CDH18: variants seen among roughly 807,000 people sequenced by gnomAD.
The protein encoded by CDH18 is cadherin-18.
Under a neutral mutation model 67.9 loss-of-function variants are expected in CDH18, and 31 were observed. The observed-to-expected ratio is 0.46, with a 90% CI of 0.34 to 0.62. The LOEUF is 0.62. Among genes scored for constraint, CDH18 ranks in the 20% least tolerant of loss-of-function variants. The pLI is 0.01. For synonymous variants in CDH18, 362 were observed against 347.2 expected (o/e 1.04, Z -0.48); for missense variants, 890 against 975.5 (o/e 0.91, Z 1.17).
chr5:20,196,395 T>C (rs1738982536), intron 2 of CDH18, among the ~76,000 whole-genome samples: 1 of 152,184 alleles, frequency 6.6e-6, no homozygotes, highest in Non-Finnish European at 1.5e-5. Context: ...CAAGGTATTG[T>C]TCAAGAGCAC....
At position 19,779,612 on chromosome 5, in the gene CDH18, T is replaced by G. The variant is rs1435864134; in HGVS notation, c.229-32376A>C. 3.9e-5 allele frequency among the ~76,000 whole-genome samples: 6 copies of G among 152,130 alleles called. No individual in the cohort carries two copies. The East Asian group carries it at 1.2e-3, about 29-fold the overall frequency. On this transcript the variant is annotated intron_variant, in intron 3 of 12. Coordinates refer to ENST00000382275, the MANE Select transcript of CDH18 (RefSeq NM_004934.5). ...GAAACAGGGACAAAGTGGAAGGAAT[T>G]CAGAATTCGCCACAGTTTTTTTCTT...
At position 20,539,733 on chromosome 5, in the gene CDH18, TAC is replaced by T. The variant is rs67594407; in HGVS notation, c.-580+35727_-580+35728del. Among the ~76,000 whole-genome samples the T allele has an allele frequency of 3.7e-3, 546 of 146,718 alleles. 4 individuals are homozygous for T. Among genetic ancestry groups the T allele is most frequent in the African/African-American group, 0.01 (410 of 39,956 alleles). On this transcript the variant is annotated intron_variant, in intron 1 of 14. Transcript: ENST00000507958. ...TACCCCACTCCATCTCCACCACCAC[TAC>T]ACACACACACACACACACACAAACA...
chr5:19,724,512 TACAC>T (rs34923644), intron 4 of CDH18, among the ~76,000 whole-genome samples: 2,607 of 148,676 alleles, frequency 0.018, 35 homozygotes, highest in Non-Finnish European at 0.019. Context: ...CACACAGACA[TACAC>T]ACACACACAC....
intron 3 of CDH18, among the ~76,000 whole-genome samples, chr5:19,764,091 C>T (rs1208729500): frequency 6.7e-6 from 1 of 149,210 alleles, no homozygotes; most frequent in South Asian, 2.1e-4. Context: ...ATCGCTTGAA[C>T]CCAGGAGGTG....
At chr5:20,100,445 T>C (rs1237508007) in intron 2 of CDH18, among the ~76,000 whole-genome samples, 1 of 152,190 alleles carries the variant, frequency 6.6e-6, no homozygotes, top group East Asian at 1.9e-4. Context: ...TGCAGTTATA[T>C]TTGCACCAAC....
intron 1 of CDH18, among the ~76,000 whole-genome samples, chr5:20,493,096 C>G (rs1753683103): frequency 6.6e-6 from 1 of 151,832 alleles, no homozygotes; most frequent in African/African-American, 2.4e-5. Flanking sequence ...TGCCTGTAAT[C>G]CCAGCACTCT....
intron 3 of CDH18, among the ~76,000 whole-genome samples, chr5:19,773,909 C>G (rs1483358436): frequency 6.6e-6 from 1 of 152,016 alleles, no homozygotes; most frequent in East Asian, 1.9e-4. Flanking sequence ...AACTTGGAAT[C>G]ATAAACATTT....
chr5:20,409,928 T>A (rs532693507), intron 1 of CDH18, among the ~76,000 whole-genome samples: 1 of 151,650 alleles, frequency 6.6e-6, no homozygotes, highest in African/African-American at 2.4e-5. Context: ...ACAACCTAGC[T>A]AGACTGAATT....
chr5:19,884,398 A>G (rs887591640), intron 2 of CDH18, among the ~76,000 whole-genome samples: 3 of 152,118 alleles, frequency 2.0e-5, no homozygotes, highest in Non-Finnish European at 4.4e-5. Context: ...AAAAGTTATT[A>G]AATACTGCCT....
At chr5:19,948,676 A>G (rs1795503801) in intron 2 of CDH18, among the ~76,000 whole-genome samples, 1 of 152,132 alleles carries the variant, frequency 6.6e-6, no homozygotes, top group South Asian at 2.1e-4. Flanking sequence ...ATAAGTGTAC[A>G]AATAACTTTA....
intron 2 of CDH18, among the ~76,000 whole-genome samples, chr5:20,055,501 T>C (rs1461387059): frequency 6.6e-6 from 1 of 152,216 alleles, no homozygotes; most frequent in East Asian, 1.9e-4. Context: ...GCTTGGAAAC[T>C]TTCCACAGCA....
intron 5 of CDH18, among the ~76,000 whole-genome samples, chr5:19,679,032 A>G (rs1430247716): frequency 1.3e-5 from 2 of 151,950 alleles, no homozygotes; most frequent in African/African-American, 4.8e-5. Context: ...TGATGAACAT[A>G]AATGTAAAAA....
intron 1 of CDH18, among the ~76,000 whole-genome samples, chr5:20,501,551 TATATAATATATATATATAATATATATATA>T (rs1561069051): frequency 1.1e-4 from 3 of 27,252 alleles, no homozygotes; most frequent in Non-Finnish European, 2.2e-4. Context: ...ACATATTATA[TATATAATATATATATATAATATATATATA>T]TTATATATAT....
intron 5 of CDH18, among the ~76,000 whole-genome samples, chr5:19,660,117 T>C (rs1346373605): frequency 1.3e-5 from 2 of 152,154 alleles, no homozygotes; most frequent in Non-Finnish European, 2.9e-5. Flanking sequence ...AATACGTGTA[T>C]GTTCAACTGT....
intron 7 of CDH18, among the ~76,000 whole-genome samples, chr5:19,574,779 A>G (rs1742037892): frequency 6.6e-6 from 1 of 151,956 alleles, no homozygotes; most frequent in South Asian, 2.1e-4. Context: ...ACGGTGCCTC[A>G]TGCTTGTAAT....
chr5:19,528,587 C>T (rs1748110838), intron 9 of CDH18, among the ~76,000 whole-genome samples: 1 of 151,692 alleles, frequency 6.6e-6, no homozygotes. Flanking sequence ...GGAGTATGGA[C>T]CTAACTCTGA....
At chr5:20,334,748 T>TACACA (rs1739555970) in intron 1 of CDH18, among the ~76,000 whole-genome samples, 1 of 117,488 alleles carries the variant, frequency 8.5e-6, no homozygotes, top group African/African-American at 3.9e-5. Flanking sequence ...TCTCTCTCTC[T>TACACA]CTCATACACA....
chr5:20,131,424 C>G (rs1749257093), intron 2 of CDH18, among the ~76,000 whole-genome samples: 1 of 151,836 alleles, frequency 6.6e-6, no homozygotes, highest in African/African-American at 2.4e-5. Flanking sequence ...ATTATACTAT[C>G]AATATTGGTA....
chr5:19,633,414 C>G (rs1752680871), intron 5 of CDH18, among the ~76,000 whole-genome samples: 1 of 152,180 alleles, frequency 6.6e-6, no homozygotes, highest in Middle Eastern at 3.4e-3. Flanking sequence ...CAAATAAGTA[C>G]AGAAAACAGT....
Sources: gnomAD v4.1 joint callset for allele counts (sites outside exome capture counted in the v4.1 genomes callset) on GRCh38, gnomAD v4.1.1 for gene constraint, MANE v1.5 for transcripts, NCBI Gene and HGNC (gene_info 2026-07-23, HGNC 2026-07-21) for gene names.